Variants in RPS6KA2 observed in about 807,000 individuals in gnomAD.
RPS6KA2 encodes ribosomal protein S6 kinase A2.
Under a neutral mutation model 91.8 loss-of-function variants are expected in RPS6KA2, and 42 were observed. That is an observed-to-expected ratio of 0.46 (90% confidence interval 0.36 to 0.59). The LOEUF (loss-of-function observed/expected upper bound fraction) is 0.59, where lower values mean the gene tolerates loss of function less well. Ranked by LOEUF, RPS6KA2 falls within the 20% of genes least tolerant of loss-of-function variation. RPS6KA2 has a pLI of 0.00. For synonymous variants in RPS6KA2, 414 were observed against 393.6 expected, an observed-to-expected ratio of 1.05 and a Z score of -0.61; for missense variants, 798 against 978.5, an observed-to-expected ratio of 0.82 and a Z score of 2.46.
chr6:166,601,435 G>A (rs550104420), intron 1 of RPS6KA2, among the ~76,000 whole-genome samples: 1 of 152,322 alleles, frequency 6.6e-6, no homozygotes, highest in African/African-American at 2.4e-5. Flanking sequence ...GGAGCATAAA[G>A]AACCAAGAAG....
intron 3 of RPS6KA2, among the ~76,000 whole-genome samples, chr6:166,530,476 C>T (rs548503128): frequency 4.6e-5 from 7 of 152,224 alleles, no homozygotes; most frequent in Non-Finnish European, 7.3e-5. Flanking sequence ...GCCCCCGTGA[C>T]GCCCTGTGTG....
chr6:166,518,204 T>C (rs1782724267), intron 3 of RPS6KA2, among the ~76,000 whole-genome samples: 1 of 146,782 alleles, frequency 6.8e-6, no homozygotes, highest in Non-Finnish European at 1.5e-5. Flanking sequence ...GGAGAATCTC[T>C]TGAGCCTGGG....
chr6:166,747,568 C>T (rs1371563499), intron 2 of RPS6KA2, among the ~76,000 whole-genome samples: 3 of 152,244 alleles, frequency 2.0e-5, no homozygotes, highest in Admixed American at 2.0e-4. Flanking sequence ...GCTCCTCCTC[C>T]TCCTCCCAAA....
At chr6:166,857,825 A>G (rs896296957) in intron 2 of RPS6KA2, among the ~76,000 whole-genome samples, 17 of 152,212 alleles carry the variant, frequency 1.1e-4, no homozygotes, top group African/African-American at 4.1e-4. Context: ...CAGCTGTGTC[A>G]CATGACTTCC....
At chr6:166,430,645 CGGCTGG>C in intron 15 of RPS6KA2, 34 bp from the exon 16 acceptor site, 1 of 1,584,306 alleles carries the variant, frequency 6.3e-7, no homozygotes, top group Non-Finnish European at 8.6e-7. Flanking sequence ...CACGTCACCA[CGGCTGG>C]TTGCTGTGAA....
intron 2 of RPS6KA2, among the ~76,000 whole-genome samples, chr6:166,663,655 G>A (rs1788226437): frequency 6.6e-6 from 1 of 152,172 alleles, no homozygotes; most frequent in African/African-American, 2.4e-5. Context: ...CATGCAACAG[G>A]GGAAAACACC....
At chr6:166,446,141 T>C (rs1165296076) in intron 14 of RPS6KA2, among the ~76,000 whole-genome samples, 1 of 152,260 alleles carries the variant, frequency 6.6e-6, no homozygotes, top group African/African-American at 2.4e-5. Context: ...AACAAGCTCG[T>C]TGCACAGAAA....
intron 6 of RPS6KA2, among the ~76,000 whole-genome samples, chr6:166,501,247 G>A (rs61155856): frequency 0.045 from 6,837 of 152,324 alleles, 205 homozygotes; most frequent in African/African-American, 0.092. Flanking sequence ...ACTGCTGTGC[G>A]CAAAGCATAG....
intron 1 of RPS6KA2, among the ~76,000 whole-genome samples, chr6:166,860,163 T>C (rs550768919): frequency 6.6e-6 from 1 of 152,252 alleles, no homozygotes; most frequent in East Asian, 1.9e-4. Flanking sequence ...AAGTACCTCA[T>C]GGTTAATATT....
At chr6:166,501,554 G>T (rs144323178) in intron 6 of RPS6KA2, among the ~76,000 whole-genome samples, 2,391 of 152,304 alleles carry the variant, frequency 0.016, 60 homozygotes, top group African/African-American at 0.053. Flanking sequence ...CCCTTGTCAC[G>T]CCATGTGCCG....
At chr6:166,829,716 T>C (rs1452965370) in intron 2 of RPS6KA2, among the ~76,000 whole-genome samples, 1 of 151,988 alleles carries the variant, frequency 6.6e-6, no homozygotes, top group Admixed American at 6.5e-5. Flanking sequence ...CTCACAGTAC[T>C]CTGAAGATGG....
rs888427077 is a variant in RPS6KA2 at position 166,449,857 on chromosome 6, C to T, written c.1207-1008G>A. Among the ~76,000 whole-genome samples, 15 of 129,940 alleles carry T rather than the reference C, an allele frequency of 1.2e-4. No homozygotes were observed. In the Admixed American group the frequency reaches 1.2e-3, roughly 11 times the overall value. The allele number at this position is 129,940 out of a possible 152,430, so 85.2% of individuals were successfully genotyped here. A position where few individuals can be genotyped will look rare whatever the true frequency, so the allele number is the denominator to read the frequency against. On this transcript the variant is annotated intron_variant, in intron 13 of 20. Transcript: ENST00000265678. ...CACCACGGGACAACCACGAGGACCA[C>T]CATGGGAACCACCACGCGGACCACC...
At chr6:166,709,484 A>C (rs1789785213) in intron 2 of RPS6KA2, among the ~76,000 whole-genome samples, 1 of 152,124 alleles carries the variant, frequency 6.6e-6, no homozygotes, top group Non-Finnish European at 1.5e-5. Context: ...TAAATAAATA[A>C]ACACATGACC....
intron 2 of RPS6KA2, among the ~76,000 whole-genome samples, chr6:166,853,611 C>T (rs529720501): frequency 2.7e-5 from 3 of 112,918 alleles, no homozygotes; most frequent in African/African-American, 8.6e-5. Flanking sequence ...TCCTATCCCA[C>T]CAAAGATCCA....
At chr6:166,686,382 G>A (rs1216409059) in intron 2 of RPS6KA2, among the ~76,000 whole-genome samples, 1 of 152,110 alleles carries the variant, frequency 6.6e-6, no homozygotes, top group Non-Finnish European at 1.5e-5. Context: ...CTGCTTTTTT[G>A]TATGCAGGGA....
In RPS6KA2 at chr6:166,510,354, C is replaced by T. The variant is rs367869691; in HGVS notation, c.302G>A (p.Arg101Gln). The T allele has an allele frequency of 1.2e-5, 19 of 1,584,024 alleles. No individual in the cohort carries two copies. In the African/African-American group the frequency reaches 1.4e-4, roughly 11 times the overall value. The change falls in exon 4 of 21, where the codon CGG becomes CAG. Residue 101 changes from arginine to glutamine, a missense_variant. Coordinates refer to ENST00000265678, the MANE Select transcript of RPS6KA2 (RefSeq NM_021135.6). ...CTCCATCTTCGATCTCACTCGGTCC[C>T]GAACTGCAAAGTAAAAAGATAAAGG... ...KVLKKATLKV[R>Q]DRVRSKMERD...
intron 8 of RPS6KA2, among the ~76,000 whole-genome samples, chr6:166,496,823 G>T (rs1289826269): frequency 6.6e-6 from 1 of 152,194 alleles, no homozygotes; most frequent in Non-Finnish European, 1.5e-5. Context: ...TCAGGAGGGG[G>T]TTTAAGAACT....
chr6:166,497,421 A>G (rs911968263), intron 8 of RPS6KA2, among the ~76,000 whole-genome samples: 51 of 152,232 alleles, frequency 3.4e-4, no homozygotes, highest in Non-Finnish European at 5.9e-5. Flanking sequence ...TGATGTGGGC[A>G]TCTCCGACTG....
At chr6:166,629,431 T>A (rs1393173801), upstream of RPS6KA2, among the ~76,000 whole-genome samples, 2 of 152,252 alleles carry the variant, frequency 1.3e-5, no homozygotes, top group Non-Finnish European at 2.9e-5. Flanking sequence ...CTGTTGAACT[T>A]GGGAGGGAAA....
Sources: gnomAD v4.1 joint callset for allele counts (sites outside exome capture counted in the v4.1 genomes callset) on GRCh38, gnomAD v4.1.1 for gene constraint, MANE v1.5 for transcripts, NCBI Gene and HGNC (gene_info 2026-07-23, HGNC 2026-07-21) for gene names.